TMEM177: variants seen among roughly 807,000 people sequenced by gnomAD.
The protein encoded by TMEM177 is transmembrane protein 177.
A neutral mutation model predicts 14.2 loss-of-function variants in TMEM177; 4 were observed. That is an observed-to-expected ratio of 0.28 (90% confidence interval 0.14 to 0.64). TMEM177 has a LOEUF of 0.64. TMEM177 is among the 30% of genes least tolerant of loss of function. TMEM177 has a pLI of 0.82. For missense variants in TMEM177, 344 were observed against 405.2 expected (o/e 0.85, Z 1.30); for synonymous variants, 179 against 174.5 (o/e 1.03, Z -0.20).
chr2:119,700,955 C>T, the TMEM177 span, among the ~76,000 whole-genome samples: 2 of 152,208 alleles, frequency 1.3e-5, no homozygotes, highest in East Asian at 1.9e-4. Context: ...ACAGGGAGGA[C>T]GCTGTCCCTA....
At chr2:119,682,640 G>T (rs773527531), downstream of TMEM177, among the ~76,000 whole-genome samples, 64 of 152,268 alleles carry the variant, frequency 4.2e-4, no homozygotes, top group Admixed American at 1.8e-3. Context: ...GAGATCTGTG[G>T]CATGGGAGAC....
downstream of TMEM177, among the ~76,000 whole-genome samples, chr2:119,688,451 A>G (rs1689049795): frequency 6.6e-6 from 1 of 152,214 alleles, no homozygotes; most frequent in Admixed American, 6.5e-5. Flanking sequence ...TGGATGGCAC[A>G]GCCTCCTACA....
At chr2:119,711,331 G>A in the TMEM177 span, among the ~76,000 whole-genome samples, 6 of 152,120 alleles carry the variant, frequency 3.9e-5, no homozygotes, top group Non-Finnish European at 5.9e-5. Context: ...TGTGCCCCAC[G>A]GAGTTCAAAC....
At chr2:119,689,014 G>T (rs1689058304), downstream of TMEM177, among the ~76,000 whole-genome samples, 1 of 152,086 alleles carries the variant, frequency 6.6e-6, no homozygotes, top group African/African-American at 2.4e-5. Context: ...AGTGGCCTGG[G>T]CAAGCCTTTC....
At chr2:119,689,703 A>G (rs1490011993), downstream of TMEM177, among the ~76,000 whole-genome samples, 1 of 152,170 alleles carries the variant, frequency 6.6e-6, no homozygotes, top group African/African-American at 2.4e-5. Context: ...ACCTTCACTT[A>G]GGCAAGTGAA....
rs761371203 is a variant in TMEM177 at position 119,681,584 on chromosome 2, G to C, written c.731G>C (p.Cys244Ser). The C allele has an allele frequency of 3.1e-6, 5 of 1,614,246 alleles. No individual in the cohort carries two copies. The South Asian group carries it at 5.5e-5, about 18-fold the overall frequency. ...GCCTCCCTCTCTGCAGCCTATGCCTGTGGTGGAGTGGAGTTCTATGAGAAG... is the reference window on the plus strand; with the variant it reads ...GCCTCCCTCTCTGCAGCCTATGCCTCTGGTGGAGTGGAGTTCTATGAGAAG... The part of the protein sequence containing the change: ...RTASLSAAYA[C>S]GGVEFYEKLL... The change falls in exon 2 of 2, where the codon TGT (cysteine) becomes TCT (serine). Residue 244 changes from cysteine to serine, a missense_variant. Cys to Ser is a moderately radical substitution (Grantham distance 112). Transcript: ENST00000272521.
At position 119,680,971 on chromosome 2, in the gene TMEM177, C is replaced by T; in HGVS notation, c.118C>T (p.Pro40Ser). The T allele has an allele frequency of 6.2e-7, 1 of 1,614,230 alleles. No homozygotes were observed. The highest frequency in any genetic ancestry group is 8.5e-7 in the Non-Finnish European group (1 of 1,180,032). Residue 40 changes from proline (P) to serine (S), a missense_variant, in exon 2 of 2, where the codon CCC (proline) becomes TCC (serine). By Grantham distance (74) the Pro-to-Ser change is moderately conservative. Coordinates refer to ENST00000272521, the MANE Select transcript of TMEM177 (RefSeq NM_030577.3). Reference protein sequence around the residue: ...VPISYHLFPDPVVQWLYQYWP... With the variant: ...VPISYHLFPDSVVQWLYQYWP... ...AATCTCGTACCACCTCTTCCCGGAT[C>T]CCGTGGTCCAATGGCTCTACCAGTA...
the TMEM177 span, among the ~76,000 whole-genome samples, chr2:119,710,732 C>G: frequency 6.6e-6 from 1 of 152,066 alleles, no homozygotes. Flanking sequence ...GCCTCAGCCT[C>G]CTGAGTAGCT....
rs771251548 is a variant in TMEM177 at position 119,681,564 on chromosome 2, C to T, written c.711C>T (p.Ser237=). Residue 237 remains serine (S), a synonymous_variant, in exon 2 of 2, where the codon TCC becomes TCT. Coordinates refer to ENST00000272521, the MANE Select transcript of TMEM177 (RefSeq NM_030577.3). The stretch of plus-strand genomic sequence containing the variant: ...CCTGGCTGGACCGCCGCACGGCCTC[C>T]CTCTCTGCAGCCTATGCCTGTGGTG... ...VESWLDRRTA[S]LSAAYACGGV... 6.2e-7 allele frequency: 1 copy of T among 1,614,198 alleles called. No homozygotes were observed. The highest frequency in any genetic ancestry group is 8.5e-7 in the Non-Finnish European group (1 of 1,180,006).
In TMEM177 at chr2:119,681,729, C is replaced by T; in HGVS notation, c.876C>T (p.Thr292=). ...TCCGAATCAAACATTTACCCTACAC[C>T]ACCCGCCGGGACTCTGTGCTGCAGA... ...HLFRIKHLPY[T]TRRDSVLQMW... The change falls in exon 2 of 2, where the codon ACC becomes ACT. Residue 292 remains threonine, a synonymous_variant. Coordinates refer to ENST00000272521, the MANE Select transcript of TMEM177 (RefSeq NM_030577.3). The T allele has an allele frequency of 6.2e-7, 1 of 1,614,142 alleles. No individual in the cohort carries two copies. Among genetic ancestry groups the T allele is most frequent in the South Asian group, 1.1e-5 (1 of 91,084 alleles).
At chr2:119,693,239 C>A in the TMEM177 span, among the ~76,000 whole-genome samples, 1 of 152,126 alleles carries the variant, frequency 6.6e-6, no homozygotes, top group Non-Finnish European at 1.5e-5. Flanking sequence ...AGCAAAGCCC[C>A]CCTGGAGACC....
At chr2:119,688,472 A>T (rs1160446200), downstream of TMEM177, among the ~76,000 whole-genome samples, 1 of 152,234 alleles carries the variant, frequency 6.6e-6, no homozygotes, top group Non-Finnish European at 1.5e-5. Flanking sequence ...CACCCAGGCT[A>T]GATGGTGTCA....
the TMEM177 span, among the ~76,000 whole-genome samples, chr2:119,699,336 T>G: frequency 6.6e-6 from 1 of 152,138 alleles, no homozygotes; most frequent in Non-Finnish European, 1.5e-5. Flanking sequence ...GAGAATTCAC[T>G]CACTATCACA....
chr2:119,682,193 T>C (rs1688925763), downstream of TMEM177: 1 of 155,236 alleles, frequency 6.4e-6, no homozygotes, highest in South Asian at 2.1e-4. Flanking sequence ...TGACCATAGC[T>C]CACTGCAGCC....
At chr2:119,720,843 G>C in the TMEM177 span, among the ~76,000 whole-genome samples, 1 of 152,122 alleles carries the variant, frequency 6.6e-6, no homozygotes, top group Non-Finnish European at 1.5e-5. Flanking sequence ...ATCTACAAGT[G>C]CAGAAACCCA....
In TMEM177 at chr2:119,681,660, G is replaced by A. The variant is rs143570418; in HGVS notation, c.807G>A (p.Glu269=). 2 of 1,614,210 alleles carry A rather than the reference G, an allele frequency of 1.2e-6. No individual in the cohort carries two copies. The highest frequency in any genetic ancestry group is 1.7e-6 in the Non-Finnish European group (2 of 1,180,044). The change falls in exon 2 of 2, where the codon GAG becomes GAA. Residue 269 remains glutamate (E), a synonymous_variant. Coordinates refer to ENST00000272521, the MANE Select transcript of TMEM177 (RefSeq NM_030577.3). The part of the protein sequence containing the change: ...ALRSLLGKDG[E]KLYTPSGNIV... Reference sequence around the variant, plus strand: ...GCAGTCTCTTGGGCAAAGACGGGGAGAAGCTGTATACACCCAGCGGGAACA... The same window carrying A: ...GCAGTCTCTTGGGCAAAGACGGGGAAAAGCTGTATACACCCAGCGGGAACA...
At chr2:119,699,077 C>A in the TMEM177 span, 1 of 195,838 alleles carries the variant, frequency 5.1e-6, no homozygotes, top group Admixed American at 4.9e-5. Context: ...AGTGTCTGAA[C>A]GATGTCACTT....
the TMEM177 span, among the ~76,000 whole-genome samples, chr2:119,701,552 GA>G: frequency 6.6e-6 from 1 of 152,188 alleles, no homozygotes; most frequent in Non-Finnish European, 1.5e-5. Flanking sequence ...TGTTCTTTCA[GA>G]AAGTCCGGTG....
At chr2:119,689,847 A>G (rs958553641), downstream of TMEM177, among the ~76,000 whole-genome samples, 1 of 152,238 alleles carries the variant, frequency 6.6e-6, no homozygotes, top group African/African-American at 2.4e-5. Context: ...TTATTATTCT[A>G]TAAGGAATAT....
Sources: allele counts gnomAD v4.1 joint callset (sites outside exome capture counted in the v4.1 genomes callset), GRCh38; gene constraint gnomAD v4.1.1; transcripts MANE v1.5; gene names NCBI Gene and HGNC (gene_info 2026-07-23, HGNC 2026-07-21).